Variants in LEPR observed in about 807,000 individuals in gnomAD.
The protein encoded by LEPR is leptin receptor, also known as OB receptor.
A neutral mutation model predicts 114.7 loss-of-function variants in LEPR; 56 were observed. That is an observed-to-expected ratio of 0.49 (90% CI 0.39 to 0.61). LEPR has a LOEUF of 0.61. LEPR is among the 20% of genes least tolerant of loss of function. LEPR has a pLI of 0.00. For synonymous variants in LEPR, 443 were observed against 461.4 expected (o/e 0.96, Z 0.51); for missense variants, 1,202 against 1,352.9 (o/e 0.89, Z 1.75).
rs111714466 is a variant in LEPR at position 65,615,706 on chromosome 1, T to C, written c.1996-302T>C. Among the ~76,000 whole-genome samples, 228 of 152,320 alleles carry C rather than the reference T, an allele frequency of 1.5e-3. 4 individuals carry two copies. Among genetic ancestry groups the C allele is most frequent in the African/African-American group, 5.0e-3 (207 of 41,566 alleles). ...AGTGAAACTTCTTGGTAGAAAAGTG[T>C]CTTGATCATATCCCTACTTTATTAT... is the stretch of plus-strand genomic sequence containing the variant. On this transcript the variant is annotated intron_variant, in intron 14 of 19. Coordinates refer to ENST00000349533, the MANE Select transcript of LEPR (RefSeq NM_002303.6).
chr1:65,578,773 ATTAG>A (rs1316685219), intron 5 of LEPR, among the ~76,000 whole-genome samples: 1 of 152,188 alleles, frequency 6.6e-6, no homozygotes, highest in African/African-American at 2.4e-5. Flanking sequence ...TTGAGAAGAA[ATTAG>A]TTAATATATA....
intron 2 of LEPR, among the ~76,000 whole-genome samples, chr1:65,557,649 A>T (rs1652917019): frequency 6.6e-6 from 1 of 152,160 alleles, no homozygotes; most frequent in South Asian, 2.1e-4. Context: ...TGAACTCCCG[A>T]CCTCAAGTGA....
chr1:65,427,098 A>G (rs72681310), intron 2 of LEPR, among the ~76,000 whole-genome samples: 4 of 152,282 alleles, frequency 2.6e-5, no homozygotes, highest in Admixed American at 6.5e-5. Flanking sequence ...CTGGCCAACT[A>G]TTACAGAAAT....
rs574086065 is a variant in LEPR, at chr1:65,433,180, C to T, written c.-21+7802C>T. On this transcript the variant is annotated intron_variant, in intron 2 of 19. Transcript: ENST00000349533. ...TCCTTCCCTCTGCCCCCCACCCCTA[C>T]TCCTCAACAGTTCTGGTTTGCCCTG... 83 of 985,426 alleles carry T rather than the reference C, an allele frequency of 8.4e-5. No homozygotes were observed. The African/African-American group carries it at 1.4e-3, about 17-fold the overall frequency. The allele number at this position is 985,426 out of a possible 1,614,324, so 61.0% of individuals were successfully genotyped here. A position where few individuals can be genotyped will look rare whatever the true frequency, so the allele number is the denominator to read the frequency against.
intron 19 of LEPR, chr1:65,634,376 A>G: frequency 5.1e-6 from 5 of 971,764 alleles, no homozygotes; most frequent in Non-Finnish European, 6.1e-6. Context: ...TGAAATTATG[A>G]AAGGACATTC....
chr1:65,572,233 A>G, intron 4 of LEPR, 93 bp from the exon 5 acceptor site: 1 of 1,394,066 alleles, frequency 7.2e-7, no homozygotes, highest in Non-Finnish European at 9.4e-7. Flanking sequence ...GGTAAATTTG[A>G]TTTAGCTCTT....
chr1:65,636,285 G>A lies in LEPR; in HGVS notation c.2768G>A (p.Ser923Asn). The A allele has an allele frequency of 6.2e-7, 1 of 1,613,914 alleles. No individual in the cohort carries two copies. The highest frequency in any genetic ancestry group is 8.5e-7 in the Non-Finnish European group (1 of 1,179,910). The change falls in exon 20 of 20, where the codon AGT (serine) becomes AAT (asparagine). Residue 923 changes from serine (S) to asparagine (N), a missense_variant. By Grantham distance (46) the Ser-to-Asn change is conservative (BLOSUM62 1). Coordinates refer to ENST00000349533, the MANE Select transcript of LEPR (RefSeq NM_002303.6). Reference sequence around the variant, plus strand: ...CCTGAAACAATTTCAGAAGATATCAGTGTTGATACATCATGGAAAAATAAA... The same window carrying A: ...CCTGAAACAATTTCAGAAGATATCAATGTTGATACATCATGGAAAAATAAA... ...LEPETISEDI[S>N]VDTSWKNKDE...
Position 65,601,843 on chromosome 1 carries a change from A to T in LEPR, c.1286A>T (p.Asp429Val). 6.2e-7 allele frequency: 1 copy of T among 1,611,512 alleles called. No individual in the cohort carries two copies. The highest frequency in any genetic ancestry group is 1.7e-5 in the Admixed American group (1 of 59,982). Residue 429 changes from aspartate (D) to valine (V), a missense_variant and splice_region_variant, in exon 10 of 20, where the codon GAT becomes GTT. By Grantham distance (152) the Asp-to-Val change is radical. Coordinates refer to ENST00000349533, the MANE Select transcript of LEPR (RefSeq NM_002303.6). ...TAATATTTTAATATGTTTCAAATAGATGTCAATATCAATATCTCATGTGAA... is the reference window on the plus strand; with the variant it reads ...TAATATTTTAATATGTTTCAAATAGTTGTCAATATCAATATCTCATGTGAA... Reference protein sequence around the residue: ...HHRYAELYVIDVNINISCETD... With the variant: ...HHRYAELYVIVVNINISCETD...
In LEPR at chr1:65,425,463, A is replaced by G. The variant is rs188758334; in HGVS notation, c.-21+85A>G. On this transcript the variant is annotated intron_variant, in intron 2 of 19. Transcript: ENST00000349533. Reference sequence around the variant, plus strand: ...GGGTGTTAGAGAGTTCGGTCAATTTAGCACCAAGTTCTAACCAGTGAGTTA... The same window carrying G: ...GGGTGTTAGAGAGTTCGGTCAATTTGGCACCAAGTTCTAACCAGTGAGTTA... 4 of 1,175,924 alleles carry G rather than the reference A, an allele frequency of 3.4e-6. No individual in the cohort carries two copies. In the East Asian group the frequency reaches 1.0e-4, roughly 30 times the overall value. The allele number at this position is 1,175,924 out of a possible 1,614,324, so 72.8% of individuals were successfully genotyped here.
rs139913397 is a variant in LEPR, at chr1:65,636,276, A to G, written c.2759A>G (p.Glu920Gly). The change falls in exon 20 of 20, where the codon GAA becomes GGA. Residue 920 changes from glutamate (E) to glycine (G), a missense_variant. By Grantham distance (98) the Glu-to-Gly change is moderately conservative. Transcript: ENST00000349533. ...CTTTTGGAGCCTGAAACAATTTCAG[A>G]AGATATCAGTGTTGATACATCATGG... ...PLLLEPETIS[E>G]DISVDTSWKN... is the part of the protein sequence containing the mutation. The G allele has an allele frequency of 1.7e-5, 27 of 1,613,974 alleles. No individual in the cohort carries two copies. The African/African-American group carries it at 3.1e-4, about 18-fold the overall frequency.
At chr1:65,591,230 T>C (rs1655674816) in intron 5 of LEPR, among the ~76,000 whole-genome samples, 1 of 152,108 alleles carries the variant, frequency 6.6e-6, no homozygotes, top group Non-Finnish European at 1.5e-5. Context: ...TTGAGACTTG[T>C]TTTATGGACC....
At chr1:65,470,073 C>T (rs1189713884) in intron 2 of LEPR, among the ~76,000 whole-genome samples, 1 of 152,196 alleles carries the variant, frequency 6.6e-6, no homozygotes, top group Non-Finnish European at 1.5e-5. Context: ...CTTATCCTCC[C>T]TTAGACATCC....
chr1:65,480,423 C>A, intron 2 of LEPR, among the ~76,000 whole-genome samples: 1 of 151,960 alleles, frequency 6.6e-6, no homozygotes, highest in African/African-American at 2.4e-5. Context: ...CCAGTAAGGA[C>A]TAGAGTGAAG....
At chr1:65,535,538 A>C (rs190362424) in intron 2 of LEPR, among the ~76,000 whole-genome samples, 1 of 151,834 alleles carries the variant, frequency 6.6e-6, no homozygotes, top group East Asian at 1.9e-4. Context: ...TTTAGTAGGG[A>C]CGAAGTCTTG....
At chr1:65,497,405 G>T (rs1001585152) in intron 2 of LEPR, among the ~76,000 whole-genome samples, 4 of 152,092 alleles carry the variant, frequency 2.6e-5, no homozygotes, top group African/African-American at 9.7e-5. Context: ...GATAATCGAA[G>T]GCAGAATCCA....
chr1:65,434,601 T>C (rs1034624196), intron 2 of LEPR: 4 of 985,294 alleles, frequency 4.1e-6, no homozygotes, highest in African/African-American at 1.7e-5. Context: ...GAGTTTTGGG[T>C]CTCTGAGACA....
At chr1:65,492,624 AG>A (rs919868002) in intron 2 of LEPR, among the ~76,000 whole-genome samples, 5 of 152,002 alleles carry the variant, frequency 3.3e-5, no homozygotes, top group Non-Finnish European at 5.9e-5. Flanking sequence ...ATATCCTAAT[AG>A]TGTGGCCATA....
chr1:65,527,939 C>T (rs951996756), intron 2 of LEPR, among the ~76,000 whole-genome samples: 2 of 152,146 alleles, frequency 1.3e-5, no homozygotes, highest in Admixed American at 1.3e-4. Flanking sequence ...ATGGATCCAA[C>T]AGCTCACGGT....
At chr1:65,587,074 G>C (rs576133466) in intron 5 of LEPR, among the ~76,000 whole-genome samples, 1 of 151,994 alleles carries the variant, frequency 6.6e-6, no homozygotes, top group Non-Finnish European at 1.5e-5. Context: ...ACCATCTAAA[G>C]TAAGATGATG....
Sources: gnomAD v4.1 joint callset for allele counts (sites outside exome capture counted in the v4.1 genomes callset) on GRCh38, gnomAD v4.1.1 for gene constraint, MANE v1.5 for transcripts, NCBI Gene and HGNC (gene_info 2026-07-23, HGNC 2026-07-21) for gene names.